Variants in CWF19L2 observed in about 807,000 individuals in gnomAD.
The protein encoded by CWF19L2 is CWF19 like cell cycle control factor 2.
In CWF19L2, 98 loss-of-function variants were observed where a neutral mutation model predicts 111.7. The ratio of observed to expected loss-of-function variants is 0.88; its 90% CI spans 0.75 to 1.04. The LOEUF is 1.04. CWF19L2 is among the 50% of genes least tolerant of loss of function. The pLI is 0.00. For synonymous variants in CWF19L2, 351 were observed against 342.9 expected (o/e 1.02, Z -0.26); for missense variants, 1,101 against 1,051.4 (o/e 1.05, Z -0.65).
At chr11:107,423,927 CAA>C (rs11291378) in intron 8 of CWF19L2, among the ~76,000 whole-genome samples, 3,291 of 147,538 alleles carry the variant, frequency 0.022, 119 homozygotes, top group African/African-American at 0.076. Context: ...TATATATGAG[CAA>C]AAAAAAAAAG....
At chr11:107,424,345 T>C (rs1446628516) in intron 8 of CWF19L2, among the ~76,000 whole-genome samples, 1 of 151,708 alleles carries the variant, frequency 6.6e-6, no homozygotes, top group African/African-American at 2.4e-5. Flanking sequence ...CTGACTCTTT[T>C]CCATTAAATA....
chr11:107,416,345 T>C, intron 9 of CWF19L2, 47 bp from the exon 10 acceptor site: 1 of 821,036 alleles, frequency 1.2e-6, no homozygotes, highest in Non-Finnish European at 1.8e-6. Flanking sequence ...GTAGTTTAAT[T>C]CTTTACGACA....
At chr11:107,447,370 T>G (rs767901966) in intron 3 of CWF19L2, among the ~76,000 whole-genome samples, 19 of 152,098 alleles carry the variant, frequency 1.2e-4, no homozygotes, top group Non-Finnish European at 1.9e-4. Context: ...AAGCTGAACA[T>G]GCTGAGGATG....
intron 10 of CWF19L2, among the ~76,000 whole-genome samples, chr11:107,415,371 T>C (rs1468154612): frequency 6.6e-6 from 1 of 152,208 alleles, no homozygotes; most frequent in Admixed American, 6.5e-5. Flanking sequence ...AAATTGCCAC[T>C]ACCCTGCCAT....
chr11:107,383,006 T>A (rs1370695982), intron 12 of CWF19L2, among the ~76,000 whole-genome samples: 1 of 152,236 alleles, frequency 6.6e-6, no homozygotes, highest in East Asian at 1.9e-4. Context: ...AGGGTGGCAC[T>A]CCCAGGGATG....
intron 6 of CWF19L2, among the ~76,000 whole-genome samples, chr11:107,437,995 G>C (rs1485212899): frequency 6.6e-6 from 1 of 152,072 alleles, no homozygotes. Flanking sequence ...GGACACTTCT[G>C]CCTGAAGTTG....
intron 8 of CWF19L2, among the ~76,000 whole-genome samples, chr11:107,424,454 A>G (rs1362232245): frequency 9.2e-6 from 1 of 108,304 alleles, no homozygotes; most frequent in Non-Finnish European, 2.1e-5. Flanking sequence ...CCCTTTTATA[A>G]TAAAAAAAAA....
chr11:107,385,545 G>T (rs1333101336), intron 12 of CWF19L2, among the ~76,000 whole-genome samples: 11 of 152,160 alleles, frequency 7.2e-5, no homozygotes, highest in Admixed American at 7.2e-4. Context: ...TAATGAAGAT[G>T]CAATTATTGC....
chr11:107,339,030 A>G (rs1859968188), intron 14 of CWF19L2, among the ~76,000 whole-genome samples: 1 of 152,196 alleles, frequency 6.6e-6, no homozygotes, highest in Non-Finnish European at 1.5e-5. Flanking sequence ...CACTCCCACA[A>G]ACAGTGTATA....
intron 14 of CWF19L2, among the ~76,000 whole-genome samples, chr11:107,340,704 T>C (rs868553784): frequency 1.3e-5 from 2 of 152,332 alleles, no homozygotes; most frequent in Middle Eastern, 6.8e-3. Flanking sequence ...AATAATTCTA[T>C]CTATACCTAC....
chr11:107,362,303 G>A (rs889980588), intron 12 of CWF19L2, among the ~76,000 whole-genome samples: 5 of 151,894 alleles, frequency 3.3e-5, no homozygotes, highest in Admixed American at 6.6e-5. Flanking sequence ...CAGGAAGCTC[G>A]AACTGGGTGG....
At chr11:107,382,674 T>C (rs181106402) in intron 12 of CWF19L2, among the ~76,000 whole-genome samples, 32 of 152,364 alleles carry the variant, frequency 2.1e-4, no homozygotes, top group Admixed American at 2.0e-3. Flanking sequence ...GGTGTTATGA[T>C]ATGCGTTGGT....
chr11:107,412,217 T>C (rs606632), intron 10 of CWF19L2, among the ~76,000 whole-genome samples: 105,279 of 152,144 alleles, frequency 0.69, 36,794 homozygotes, highest in Non-Finnish European at 0.74. Flanking sequence ...TGTACACATA[T>C]ATATAATTTG....
chr11:107,400,940 C>T (rs912960474), intron 10 of CWF19L2, among the ~76,000 whole-genome samples: 4 of 152,064 alleles, frequency 2.6e-5, no homozygotes, highest in Non-Finnish European at 4.4e-5. Context: ...TGATACACCA[C>T]ATAAAGAGAA....
At chr11:107,372,438 G>C (rs1304490710) in intron 12 of CWF19L2, among the ~76,000 whole-genome samples, 1 of 136,140 alleles carries the variant, frequency 7.3e-6, no homozygotes, top group Non-Finnish European at 1.6e-5. Flanking sequence ...TTGAGAAACT[G>C]AATGAAAATC....
chr11:107,344,101 T>C (rs973444749), intron 14 of CWF19L2, among the ~76,000 whole-genome samples: 2 of 152,136 alleles, frequency 1.3e-5, no homozygotes, highest in Non-Finnish European at 2.9e-5. Flanking sequence ...TAGTGCCAGC[T>C]ACTCAGGAAG....
chr11:107,379,038 T>A (rs550231810), intron 12 of CWF19L2, among the ~76,000 whole-genome samples: 12 of 152,238 alleles, frequency 7.9e-5, no homozygotes, highest in Non-Finnish European at 1.5e-4. Flanking sequence ...TAGGAAATAC[T>A]GAAAACAAGC....
intron 12 of CWF19L2, among the ~76,000 whole-genome samples, chr11:107,387,316 A>G (rs1426237076): frequency 1.3e-5 from 2 of 152,080 alleles, no homozygotes; most frequent in Non-Finnish European, 2.9e-5. Flanking sequence ...CTCTATCTGA[A>G]CTAATATAAT....
chr11:107,362,532 C>T (rs1313720848), intron 12 of CWF19L2, among the ~76,000 whole-genome samples: 1 of 151,988 alleles, frequency 6.6e-6, no homozygotes, highest in Non-Finnish European at 1.5e-5. Context: ...CCCCGAGCAG[C>T]CTAACTGGGA....
Sources: gnomAD v4.1 joint callset for allele counts (sites outside exome capture counted in the v4.1 genomes callset) on GRCh38, gnomAD v4.1.1 for gene constraint, MANE v1.5 for transcripts, NCBI Gene and HGNC (gene_info 2026-07-23, HGNC 2026-07-21) for gene names.